IL1RAPL2: variants seen among roughly 807,000 people sequenced by gnomAD.
The protein encoded by IL1RAPL2 is X-linked interleukin-1 receptor accessory protein-like 2.
IL1RAPL2 carries 3 observed loss-of-function variants against 44.1 expected under a neutral mutation model. The observed-to-expected ratio is 0.07, with a 90% CI of 0.03 to 0.18. The LOEUF (loss-of-function observed/expected upper bound fraction) is 0.18. Among genes scored for constraint, IL1RAPL2 ranks in the 10% least tolerant of loss-of-function variants. IL1RAPL2 has a pLI of 1.00. For missense variants in IL1RAPL2, 391 were observed against 496.4 expected, an observed-to-expected ratio of 0.79 and a Z score of 2.02; for synonymous variants, 181 against 178.8, an observed-to-expected ratio of 1.01 and a Z score of -0.10.
At chrX:105,136,480 A>C (rs935579396) in intron 2 of IL1RAPL2, among the ~76,000 whole-genome samples, 1 of 112,673 alleles carries the variant, frequency 8.9e-6, no homozygotes, top group Non-Finnish European at 1.9e-5. Flanking sequence ...AATGCTATGA[A>C]ATAAATGAGC....
intron 2 of IL1RAPL2, among the ~76,000 whole-genome samples, chrX:104,948,903 G>A (rs1925478983): frequency 9.1e-6 from 1 of 110,101 alleles, no homozygotes; most frequent in Non-Finnish European, 1.9e-5. Context: ...TCTCTGCCTG[G>A]CTTTGGTATC....
chrX:105,024,451 A>C (rs2031332160), intron 2 of IL1RAPL2, among the ~76,000 whole-genome samples: 1 of 111,451 alleles, frequency 9.0e-6, no homozygotes, highest in Admixed American at 9.5e-5. Flanking sequence ...ACTATCGAGC[A>C]CAGATAATTA....
intron 2 of IL1RAPL2, among the ~76,000 whole-genome samples, chrX:104,820,140 A>G (rs1569320477): frequency 3.6e-5 from 4 of 111,975 alleles, no homozygotes; most frequent in African/African-American, 1.3e-4. Flanking sequence ...TTTGAGATCA[A>G]TATCAGAGAC....
intron 2 of IL1RAPL2, among the ~76,000 whole-genome samples, chrX:104,766,135 A>G (rs1932548571): frequency 8.9e-6 from 1 of 112,004 alleles, no homozygotes; most frequent in South Asian, 3.8e-4. Flanking sequence ...AATCAAACCA[A>G]TATAGCACTT....
chrX:104,975,802 G>A (rs1013640338), intron 2 of IL1RAPL2, among the ~76,000 whole-genome samples: 3 of 111,807 alleles, frequency 2.7e-5, no homozygotes, highest in Non-Finnish European at 5.6e-5. Context: ...TATAGCTGGG[G>A]CTAGTTGGAT....
At chrX:105,622,545 C>A (rs2037427478) in intron 6 of IL1RAPL2, among the ~76,000 whole-genome samples, 1 of 110,658 alleles carries the variant, frequency 9.0e-6, no homozygotes, top group Non-Finnish European at 1.9e-5. Flanking sequence ...ACATAGGATT[C>A]TTTGAGGTTA....
rs770148802 is a variant in IL1RAPL2, at chrX:105,648,053, C to CT, written c.773-69312dup. Among the ~76,000 whole-genome samples, 6 of 111,912 alleles carry CT rather than the reference C, an allele frequency of 5.4e-5. No individual in the cohort carries two copies. In the South Asian group the frequency reaches 2.3e-3, roughly 42 times the overall value. On this transcript the variant is annotated intron_variant, in intron 6 of 10. Transcript: ENST00000372582. ...TCAGTTCTCTAAGCCTTTGCTATAT[C>CT]TTGCAGTGTTGTTGGGAAGAATTAT...
At chrX:105,042,041 T>C (rs1373340324) in intron 2 of IL1RAPL2, among the ~76,000 whole-genome samples, 1 of 111,320 alleles carries the variant, frequency 9.0e-6, no homozygotes, top group Non-Finnish European at 1.9e-5. Context: ...AAGCTGAAAC[T>C]GGATCCCTTC....
intron 2 of IL1RAPL2, among the ~76,000 whole-genome samples, chrX:105,014,814 C>T (rs779775859): frequency 1.8e-5 from 2 of 112,152 alleles, no homozygotes; most frequent in Admixed American, 9.4e-5. Context: ...ATTTATAATA[C>T]CTTGGGCACA....
At chrX:104,573,123 CT>C (rs1464626620) in intron 1 of IL1RAPL2, among the ~76,000 whole-genome samples, 1 of 111,835 alleles carries the variant, frequency 8.9e-6, no homozygotes, top group Non-Finnish European at 1.9e-5. Context: ...CAGTATTAGC[CT>C]TAGCATTTTA....
chrX:105,146,473 T>G (rs2033180496), intron 2 of IL1RAPL2, among the ~76,000 whole-genome samples: 1 of 111,995 alleles, frequency 8.9e-6, no homozygotes, highest in Admixed American at 9.5e-5. Context: ...CTTATATGGC[T>G]AATATAAATA....
At chrX:105,276,381 C>T (rs1256461856) in intron 5 of IL1RAPL2, among the ~76,000 whole-genome samples, 1 of 112,774 alleles carries the variant, frequency 8.9e-6, no homozygotes, top group Non-Finnish European at 1.9e-5. Context: ...GCACTCCAGC[C>T]TGGGCAACAA....
intron 2 of IL1RAPL2, among the ~76,000 whole-genome samples, chrX:104,672,365 T>C (rs1366434193): frequency 2.7e-5 from 3 of 110,940 alleles, no homozygotes; most frequent in Admixed American, 1.9e-4. Context: ...TTTGTTCTTG[T>C]GATAGTTTAC....
intron 2 of IL1RAPL2, among the ~76,000 whole-genome samples, chrX:104,681,615 G>A (rs756271505): frequency 5.9e-4 from 67 of 112,892 alleles, no homozygotes; most frequent in African/African-American, 2.1e-3. Flanking sequence ...TTGAGATTTA[G>A]GTTGACATTT....
chrX:105,646,766 G>C (rs1256736342), intron 6 of IL1RAPL2, among the ~76,000 whole-genome samples: 1 of 112,014 alleles, frequency 8.9e-6, no homozygotes, highest in East Asian at 2.8e-4. Flanking sequence ...GAGTGTACTT[G>C]AGTGACAGCC....
chrX:105,136,991 T>C (rs1385936993), intron 2 of IL1RAPL2, among the ~76,000 whole-genome samples: 1 of 112,051 alleles, frequency 8.9e-6, no homozygotes, highest in African/African-American at 3.2e-5. Flanking sequence ...AGCCACCCCA[T>C]GCCCTGCCAA....
chrX:104,855,930 A>G (rs1218031188), intron 2 of IL1RAPL2, among the ~76,000 whole-genome samples: 1 of 109,770 alleles, frequency 9.1e-6, no homozygotes, highest in African/African-American at 3.3e-5. Context: ...TTGGCCTCCC[A>G]AAGTGCTGGG....
chrX:105,465,843 A>G (rs2036124951), intron 5 of IL1RAPL2, among the ~76,000 whole-genome samples: 1 of 111,666 alleles, frequency 9.0e-6, no homozygotes, highest in Non-Finnish European at 1.9e-5. Flanking sequence ...CTTTATGCAA[A>G]TACTTCTCTG....
intron 2 of IL1RAPL2, among the ~76,000 whole-genome samples, chrX:104,874,709 A>G (rs1283818470): frequency 1.8e-5 from 2 of 111,538 alleles, no homozygotes; most frequent in Non-Finnish European, 1.9e-5. Context: ...TGATACTAGA[A>G]AGGCACTTGA....
Sources: gnomAD v4.1 joint callset for allele counts (sites outside exome capture counted in the v4.1 genomes callset) on GRCh38, gnomAD v4.1.1 for gene constraint, MANE v1.5 for transcripts, NCBI Gene and HGNC (gene_info 2026-07-23, HGNC 2026-07-21) for gene names.